Variants in FIRRM observed in about 807,000 individuals in gnomAD.
FIRRM encodes the protein FIGNL1-interacting regulator of recombination and mitosis.
chr1:169,842,575 A>G, the FIRRM span: 1 of 1,598,760 alleles, frequency 6.3e-7, no homozygotes, highest in Non-Finnish European at 8.5e-7. Context: ...TTATCAAAAA[A>G]TAGAAAATAT....
the FIRRM span, among the ~76,000 whole-genome samples, chr1:169,785,782 G>A: frequency 1.3e-5 from 2 of 152,154 alleles, no homozygotes; most frequent in African/African-American, 2.4e-5. Context: ...AGGCTTGAAG[G>A]TGGGGCCTTT....
chr1:169,852,252 A>ATGTT, the FIRRM span: 1 of 363,454 alleles, frequency 2.8e-6, no homozygotes, highest in East Asian at 6.7e-5. Context: ...TTACTCCTAA[A>ATGTT]TGTTTAGTTT....
chr1:169,808,695 C>T, the FIRRM span, among the ~76,000 whole-genome samples: 1 of 151,204 alleles, frequency 6.6e-6, no homozygotes, highest in African/African-American at 2.4e-5. Flanking sequence ...GCCTCTGCCT[C>T]ACGGGTTCAA....
At chr1:169,803,912 T>C in the FIRRM span, among the ~76,000 whole-genome samples, 2 of 152,224 alleles carry the variant, frequency 1.3e-5, no homozygotes, top group Non-Finnish European at 2.9e-5. Context: ...ATTTTATACA[T>C]GCTTGCATCT....
At chr1:169,800,715 C>CTTTTTT in the FIRRM span, among the ~76,000 whole-genome samples, 1 of 136,922 alleles carries the variant, frequency 7.3e-6, no homozygotes, top group East Asian at 2.1e-4. Context: ...TCCTTTCTCT[C>CTTTTTT]TTTTTTTTTT....
the FIRRM span, chr1:169,849,849 T>G: frequency 1.9e-6 from 1 of 515,966 alleles, no homozygotes; most frequent in African/African-American, 1.9e-5. Flanking sequence ...GGCCTACTGA[T>G]ACAGACAGAC....
chr1:169,853,149 T>C, the FIRRM span: 1 of 722,480 alleles, frequency 1.4e-6, no homozygotes, highest in Non-Finnish European at 2.3e-6. Context: ...ATATTCTTAT[T>C]AAGAACTTTG....
chr1:169,821,748 C>T, the FIRRM span: 1 of 1,605,388 alleles, frequency 6.2e-7, no homozygotes, highest in Admixed American at 1.7e-5. Context: ...CTCCCTTTTG[C>T]ACTACGCTAA....
chr1:169,839,224 A>G, the FIRRM span, among the ~76,000 whole-genome samples: 11 of 152,324 alleles, frequency 7.2e-5, no homozygotes, highest in East Asian at 1.3e-3. Flanking sequence ...TAGTGCTGCA[A>G]TGAACATGTG....
chr1:169,812,668 C>T, the FIRRM span, among the ~76,000 whole-genome samples: 1 of 151,978 alleles, frequency 6.6e-6, no homozygotes, highest in East Asian at 1.9e-4. Flanking sequence ...ACCAGGCTGG[C>T]CAACATGGTG....
chr1:169,793,282 T>G, the FIRRM span: 1 of 1,614,110 alleles, frequency 6.2e-7, no homozygotes, highest in Non-Finnish European at 8.5e-7. Context: ...GGAAGTTCTC[T>G]TTCAACAAGA....
chr1:169,810,834 A>ATTTTTTTTTTTTTTTTTTTTTTTTT, the FIRRM span, among the ~76,000 whole-genome samples: 4 of 61,208 alleles, frequency 6.5e-5, 2 homozygotes, highest in East Asian at 1.1e-3. Flanking sequence ...TTAGCCCCCA[A>ATTTTTTTTTTTTTTTTTTTTTTTTT]TTTTTTTTTT....
At chr1:169,818,114 T>G in the FIRRM span, among the ~76,000 whole-genome samples, 1 of 152,256 alleles carries the variant, frequency 6.6e-6, no homozygotes, top group East Asian at 1.9e-4. Context: ...CACATTTCAC[T>G]TTCCTTACAT....
At chr1:169,807,910 T>G in the FIRRM span, 1 of 1,606,640 alleles carries the variant, frequency 6.2e-7, no homozygotes, top group Admixed American at 1.7e-5. Context: ...GCTGAGCAGA[T>G]GACACAGTCA....
At chr1:169,789,158 C>T in the FIRRM span, among the ~76,000 whole-genome samples, 5 of 152,188 alleles carry the variant, frequency 3.3e-5, no homozygotes, top group Admixed American at 1.3e-4. Context: ...TCAACAATCA[C>T]AATGCCATCA....
chr1:169,801,396 G>A, the FIRRM span, among the ~76,000 whole-genome samples: 1 of 134,686 alleles, frequency 7.4e-6, no homozygotes, highest in African/African-American at 2.8e-5. Context: ...ATTGAGTCAA[G>A]ATCGTGCCAT....
At chr1:169,839,129 T>C in the FIRRM span, among the ~76,000 whole-genome samples, 45 of 152,348 alleles carry the variant, frequency 3.0e-4, no homozygotes, top group African/African-American at 1.1e-3. Context: ...TTTATGACTG[T>C]ATACTATTCC....
chr1:169,793,924 A>C, the FIRRM span: 1 of 400,276 alleles, frequency 2.5e-6, no homozygotes, highest in East Asian at 4.0e-5. Flanking sequence ...AAAAAAAAGA[A>C]AGAAAATGAT....
At chr1:169,844,622 A>G in the FIRRM span, among the ~76,000 whole-genome samples, 6 of 152,244 alleles carry the variant, frequency 3.9e-5, no homozygotes, top group Non-Finnish European at 2.9e-5. Flanking sequence ...AATAACAAGT[A>G]TGTCCTATAC....
Sources: allele counts gnomAD v4.1 joint callset (sites outside exome capture counted in the v4.1 genomes callset), GRCh38; gene constraint gnomAD v4.1.1; transcripts MANE v1.5; gene names NCBI Gene and HGNC (gene_info 2026-07-23, HGNC 2026-07-21).